The following NEDD9 variants were observed in gnomAD, a reference collection of about 807,000 sequenced individuals.
NEDD9 encodes neural precursor cell expressed, developmentally down-regulated 9.
NEDD9 carries 26 observed loss-of-function variants against 76.6 expected under a neutral mutation model. That is an observed-to-expected ratio of 0.34 (90% CI 0.25 to 0.47). NEDD9 has a LOEUF of 0.47. Ranked by LOEUF, NEDD9 falls within the 20% of genes least tolerant of loss-of-function variation. NEDD9 has a pLI of 1.00. For synonymous variants in NEDD9, 392 were observed against 414.2 expected, an observed-to-expected ratio of 0.95 and a Z score of 0.65; for missense variants, 937 against 1,058.5, an observed-to-expected ratio of 0.89 and a Z score of 1.59.
At chr6:11,306,203 A>G in intron 2 of NEDD9, 1 of 639,266 alleles carries the variant, frequency 1.6e-6, no homozygotes. Context: ...TCTGAAAAAA[A>G]TTGAGATGCT....
chr6:11,302,056 A>G (rs971107969), intron 3 of NEDD9, among the ~76,000 whole-genome samples: 6 of 152,166 alleles, frequency 3.9e-5, no homozygotes, highest in Non-Finnish European at 4.4e-5. Context: ...AAAACCCTTC[A>G]AAAAATCAAT....
chr6:11,247,823 G>A (rs542493438), intron 3 of NEDD9, among the ~76,000 whole-genome samples: 3 of 152,198 alleles, frequency 2.0e-5, no homozygotes, highest in African/African-American at 2.4e-5. Flanking sequence ...AGTGATAACA[G>A]CCAAAAAATG....
intron 2 of NEDD9, among the ~76,000 whole-genome samples, chr6:11,324,307 T>C (rs1169713313): frequency 6.6e-6 from 1 of 152,244 alleles, no homozygotes; most frequent in East Asian, 1.9e-4. Context: ...TCTCGGGCTG[T>C]ACCTCTGGTA....
intron 2 of NEDD9, among the ~76,000 whole-genome samples, chr6:11,327,797 G>C (rs1167151938): frequency 3.3e-5 from 5 of 152,282 alleles, no homozygotes; most frequent in Non-Finnish European, 7.3e-5. Context: ...AGAGGGAAAA[G>C]AGGATGCTTT....
chr6:11,300,795 T>C (rs1666982009), intron 3 of NEDD9, among the ~76,000 whole-genome samples: 1 of 152,144 alleles, frequency 6.6e-6, no homozygotes, highest in Admixed American at 6.5e-5. Context: ...ATAAAATCCT[T>C]TATAGACAAG....
At chr6:11,353,093 C>A (rs1161419668) in intron 1 of NEDD9, among the ~76,000 whole-genome samples, 1 of 152,246 alleles carries the variant, frequency 6.6e-6, no homozygotes, top group Non-Finnish European at 1.5e-5. Flanking sequence ...CAGGCTCTTT[C>A]TGGGTGAACA....
At chr6:11,260,350 T>C (rs1018239221) in intron 3 of NEDD9, among the ~76,000 whole-genome samples, 5 of 152,298 alleles carry the variant, frequency 3.3e-5, no homozygotes, top group Non-Finnish European at 5.9e-5. Context: ...AAACATGGTC[T>C]TTAGAATCAG....
chr6:11,310,243 G>A (rs1187768142), intron 2 of NEDD9, among the ~76,000 whole-genome samples: 2 of 152,178 alleles, frequency 1.3e-5, no homozygotes, highest in Admixed American at 6.5e-5. Context: ...ACAGCCATGC[G>A]CTCCGAAAGC....
intron 2 of NEDD9, among the ~76,000 whole-genome samples, chr6:11,320,074 C>T (rs78396297): frequency 0.076 from 11,637 of 152,232 alleles, 580 homozygotes; most frequent in Admixed American, 0.16. Flanking sequence ...TGCTGTCCCT[C>T]CTGGGAGCAC....
chr6:11,228,413 C>T (rs1249563457), intron 1 of NEDD9, among the ~76,000 whole-genome samples: 1 of 152,024 alleles, frequency 6.6e-6, no homozygotes, highest in Non-Finnish European at 1.5e-5. Context: ...ACCTGTAATC[C>T]CAGCTACTCA....
chr6:11,321,009 T>TA (rs111605503), intron 2 of NEDD9, among the ~76,000 whole-genome samples: 28 of 145,182 alleles, frequency 1.9e-4, no homozygotes, highest in South Asian at 4.4e-4. Flanking sequence ...CTTAAGAGGT[T>TA]AAAAAAAAAA....
chr6:11,359,855 G>A (rs540919917), intron 1 of NEDD9, among the ~76,000 whole-genome samples: 1 of 152,206 alleles, frequency 6.6e-6, no homozygotes, highest in African/African-American at 2.4e-5. Context: ...CAGATAGCAA[G>A]TCGTTTGAGA....
At chr6:11,377,361 C>T (rs746153256) in intron 1 of NEDD9, among the ~76,000 whole-genome samples, 5 of 152,242 alleles carry the variant, frequency 3.3e-5, no homozygotes, top group Non-Finnish European at 5.9e-5. Context: ...ATGTGGGCTG[C>T]ATCCTGCAAA....
At chr6:11,355,868 C>G (rs568744229) in intron 1 of NEDD9, among the ~76,000 whole-genome samples, 3 of 151,528 alleles carry the variant, frequency 2.0e-5, no homozygotes, top group South Asian at 2.1e-4. Context: ...CTACAGGCAC[C>G]CGCCACCACG....
intron 4 of NEDD9, 144 bp downstream of exon 4, chr6:11,192,201 C>G: frequency 1.8e-6 from 1 of 551,530 alleles, no homozygotes; most frequent in Non-Finnish European, 3.1e-6. Context: ...CCTTTACTCT[C>G]ACCAAGACTA....
At chr6:11,239,354 T>C (rs994689481) in intron 3 of NEDD9, among the ~76,000 whole-genome samples, 1 of 152,186 alleles carries the variant, frequency 6.6e-6, no homozygotes, top group Non-Finnish European at 1.5e-5. Flanking sequence ...ATTTTGCACT[T>C]ATGTAGGTGA....
intron 2 of NEDD9, among the ~76,000 whole-genome samples, chr6:11,325,956 G>T (rs1351234155): frequency 6.6e-6 from 1 of 152,142 alleles, no homozygotes; most frequent in Non-Finnish European, 1.5e-5. Context: ...GATCAGTCTG[G>T]CCAACATGGC....
chr6:11,283,140 A>G (rs1760573673), intron 3 of NEDD9, among the ~76,000 whole-genome samples: 1 of 152,224 alleles, frequency 6.6e-6, no homozygotes, highest in South Asian at 2.1e-4. Context: ...TCAAGTCTCT[A>G]TTCAACCATT....
intron 1 of NEDD9, among the ~76,000 whole-genome samples, chr6:11,349,959 G>T (rs1255418130): frequency 6.6e-6 from 1 of 152,180 alleles, no homozygotes. Context: ...ATCTAGCTTA[G>T]AGAGGCTCTT....
Sources: gnomAD v4.1 joint callset for allele counts (sites outside exome capture counted in the v4.1 genomes callset) on GRCh38, gnomAD v4.1.1 for gene constraint, MANE v1.5 for transcripts, NCBI Gene and HGNC (gene_info 2026-07-23, HGNC 2026-07-21) for gene names.